The following CWH43 variants were observed in gnomAD, a reference collection of about 807,000 sequenced individuals.
CWH43 encodes the protein PGAP2-interacting protein.
CWH43 carries 91 observed loss-of-function variants against 85.7 expected under a neutral mutation model. The ratio of observed to expected loss-of-function variants is 1.06; its 90% CI spans 0.90 to 1.26. The LOEUF is 1.26. Among genes scored for constraint, CWH43 ranks in the 50% most tolerant of loss-of-function variants. The pLI is 0.00. For synonymous variants in CWH43, 323 were observed against 293.6 expected (o/e 1.10, Z -1.02); for missense variants, 869 against 839.2 (o/e 1.04, Z -0.44).
intron 13 of CWH43, among the ~76,000 whole-genome samples, chr4:49,040,550 A>G (rs568849595): frequency 6.6e-6 from 1 of 152,132 alleles, no homozygotes; most frequent in Non-Finnish European, 1.5e-5. Context: ...TCTTTTGAGA[A>G]GTGTCTGTTC....
At chr4:49,048,492 C>A (rs1243684711) in intron 14 of CWH43, among the ~76,000 whole-genome samples, 1 of 151,884 alleles carries the variant, frequency 6.6e-6, no homozygotes, top group Non-Finnish European at 1.5e-5. Context: ...GTGGTCTAAA[C>A]AACAGAAATT....
rs1784370786 is a variant in CWH43 at position 49,039,324 on chromosome 4, TATATATATAC to T, written c.1803+1145_1803+1154del. On this transcript the variant is annotated intron_variant, in intron 13 of 15. Coordinates refer to ENST00000226432, the MANE Select transcript of CWH43 (RefSeq NM_025087.3). ...GGAGACTGATATATATATATATATA[TATATATATAC>T]TGATGTATATATATACTGATATATA... Among the ~76,000 whole-genome samples, 3 of 79,994 alleles carry T rather than the reference TATATATATAC, an allele frequency of 3.8e-5. 1 individual carries two copies. Among genetic ancestry groups the T allele is most frequent in the Non-Finnish European group, 7.5e-5 (3 of 40,122 alleles). The allele number at this position is 79,994 out of a possible 152,430, so 52.5% of individuals were successfully genotyped here.
intron 13 of CWH43, among the ~76,000 whole-genome samples, chr4:49,038,647 T>G (rs2605238): frequency 0.6 from 91,841 of 152,084 alleles, 30,284 homozygotes; most frequent in Middle Eastern, 0.78. Flanking sequence ...GTCATCACAA[T>G]TCTGATCACA....
intron 8 of CWH43, among the ~76,000 whole-genome samples, chr4:49,015,622 A>T (rs1308141513): frequency 1.3e-5 from 2 of 152,044 alleles, no homozygotes; most frequent in Non-Finnish European, 2.9e-5. Context: ...TTGTTTCTGC[A>T]AATATTGCTT....
At chr4:49,022,461 T>C (rs1159090695) in intron 9 of CWH43, among the ~76,000 whole-genome samples, 1 of 152,178 alleles carries the variant, frequency 6.6e-6, no homozygotes, top group Non-Finnish European at 1.5e-5. Context: ...TAGTATTATG[T>C]TGAGGATTTT....
chr4:49,058,540 T>G (rs1342352991), intron 15 of CWH43, among the ~76,000 whole-genome samples: 2 of 152,340 alleles, frequency 1.3e-5, no homozygotes, highest in East Asian at 3.8e-4. Flanking sequence ...CTGAATTTGA[T>G]TCTATTATTA....
At chr4:49,004,220 C>G (rs926498515) in intron 7 of CWH43, among the ~76,000 whole-genome samples, 44 of 152,098 alleles carry the variant, frequency 2.9e-4, no homozygotes, top group African/African-American at 1.0e-3. Flanking sequence ...CTTATTACTA[C>G]AAAGGTCTTT....
At chr4:49,023,853 T>A (rs1467716982) in intron 9 of CWH43, among the ~76,000 whole-genome samples, 1 of 152,232 alleles carries the variant, frequency 6.6e-6, no homozygotes, top group East Asian at 1.9e-4. Flanking sequence ...TCTGTAAATA[T>A]CTGTTAAGTC....
Position 49,054,918 on chromosome 4 carries a change from G to T in CWH43, c.2021+4069G>T, listed in dbSNP as rs867252584. Among the ~76,000 whole-genome samples, 264 of 147,804 alleles carry T rather than the reference G, an allele frequency of 1.8e-3. 2 individuals are homozygous for T. Among genetic ancestry groups the T allele is most frequent in the African/African-American group, 6.1e-3 (247 of 40,390 alleles). On this transcript the variant is annotated intron_variant, in intron 15 of 15. Coordinates refer to ENST00000226432, the MANE Select transcript of CWH43 (RefSeq NM_025087.3). ...AGTTTTTTTCAGTGGAGTTTTTAGG[G>T]ATATATATATATATATAATCATGTC...
intron 13 of CWH43, among the ~76,000 whole-genome samples, chr4:49,040,479 C>A (rs948474620): frequency 5.9e-5 from 9 of 152,188 alleles, no homozygotes; most frequent in Admixed American, 2.0e-4. Context: ...TTTTGATTTG[C>A]ATTTCTCTGA....
At chr4:49,039,153 A>C (rs1218193428) in intron 13 of CWH43, among the ~76,000 whole-genome samples, 1 of 144,944 alleles carries the variant, frequency 6.9e-6, no homozygotes, top group Non-Finnish European at 1.5e-5. Flanking sequence ...ATGAAATGCC[A>C]CACAGAGAGA....
At chr4:49,047,901 C>A (rs1784676899) in intron 14 of CWH43, among the ~76,000 whole-genome samples, 1 of 152,110 alleles carries the variant, frequency 6.6e-6, no homozygotes, top group African/African-American at 2.4e-5. Flanking sequence ...TTGGTTTACA[C>A]CACTAACTCA....
At chr4:49,029,134 CTG>C (rs1267927428) in intron 10 of CWH43, among the ~76,000 whole-genome samples, 4 of 152,306 alleles carry the variant, frequency 2.6e-5, no homozygotes, top group Non-Finnish European at 5.9e-5. Context: ...CAGACTGTTA[CTG>C]TGTCTATGTA....
At chr4:48,996,310 C>G (rs909828012) in intron 5 of CWH43, among the ~76,000 whole-genome samples, 7 of 150,920 alleles carry the variant, frequency 4.6e-5, no homozygotes, top group African/African-American at 1.7e-4. Context: ...CACACACACA[C>G]ACACACACAC....
intron 1 of CWH43, chr4:48,986,921 T>C: frequency 1.8e-6 from 1 of 566,490 alleles, no homozygotes; most frequent in Non-Finnish European, 2.2e-6. Context: ...CGGCAGCTGC[T>C]GCCGTGGGCT....
At chr4:49,006,373 CA>C (rs1484342681) in intron 7 of CWH43, among the ~76,000 whole-genome samples, 2 of 152,184 alleles carry the variant, frequency 1.3e-5, no homozygotes, top group Admixed American at 1.3e-4. Flanking sequence ...GATGAGGCCA[CA>C]AAAGCCAAGA....
In CWH43 at chr4:48,987,975, C is replaced by T. The variant is rs1301195817; in HGVS notation, c.44-502C>T. Among the ~76,000 whole-genome samples the T allele has an allele frequency of 1.1e-4, 16 of 152,148 alleles. No individual in the cohort carries two copies. In the South Asian group the frequency reaches 2.3e-3, roughly 22 times the overall value. ...AAAATTTTGTCAGTCAGGGTCCTGA[C>T]GGGATGCCAAATTCAACTCAGATGG... On this transcript the variant is annotated intron_variant, in intron 1 of 15. Coordinates refer to ENST00000226432, the MANE Select transcript of CWH43 (RefSeq NM_025087.3).
intron 4 of CWH43, among the ~76,000 whole-genome samples, chr4:48,994,159 G>A (rs78794386): frequency 0.011 from 1,707 of 152,326 alleles, 37 homozygotes; most frequent in African/African-American, 0.039. Flanking sequence ...ACAGGGCTTG[G>A]AAGAGGGGTT....
At chr4:49,016,753 C>T (rs1378428781) in intron 8 of CWH43, 1 of 777,720 alleles carries the variant, frequency 1.3e-6, no homozygotes, top group East Asian at 2.4e-5. Context: ...ATGCCAGCTT[C>T]CCTTGCATCT....
Sources: allele counts gnomAD v4.1 joint callset (sites outside exome capture counted in the v4.1 genomes callset), GRCh38; gene constraint gnomAD v4.1.1; transcripts MANE v1.5; gene names NCBI Gene and HGNC (gene_info 2026-07-23, HGNC 2026-07-21).